Variants in AHCYL1 observed in about 807,000 individuals in gnomAD.
The protein encoded by AHCYL1 is S-adenosylhomocysteine hydrolase-like protein 1.
Under a neutral mutation model 79.3 loss-of-function variants are expected in AHCYL1, and 20 were observed. The observed-to-expected ratio is 0.25, with a 90% CI of 0.18 to 0.37. AHCYL1 has a LOEUF of 0.37. Ranked by LOEUF, AHCYL1 falls within the 10% of genes least tolerant of loss-of-function variation. The pLI, the probability that AHCYL1 is intolerant of heterozygous loss-of-function variation, is 1.00. For missense variants in AHCYL1, 330 were observed against 673.6 expected, an observed-to-expected ratio of 0.49 and a Z score of 5.65; for synonymous variants, 223 against 242.2, an observed-to-expected ratio of 0.92 and a Z score of 0.74.
intron 11 of AHCYL1, among the ~76,000 whole-genome samples, 178 bp from the exon 12 acceptor site, chr1:110,018,195 T>C (rs1651544153): frequency 6.6e-6 from 1 of 152,180 alleles, no homozygotes; most frequent in Non-Finnish European, 1.5e-5. Context: ...GGTGACTTTT[T>C]ATACTGCTTG....
chr1:110,000,111 A>G (rs1650229058), intron 1 of AHCYL1, among the ~76,000 whole-genome samples: 1 of 152,234 alleles, frequency 6.6e-6, no homozygotes, highest in African/African-American at 2.4e-5. Flanking sequence ...GCACATTTAA[A>G]GTATATTCTC....
chr1:110,004,958 T>A (rs570215016), intron 1 of AHCYL1, among the ~76,000 whole-genome samples: 5 of 152,300 alleles, frequency 3.3e-5, no homozygotes, highest in African/African-American at 1.2e-4. Context: ...GTAATGATGA[T>A]CTTGTTAAAA....
At chr1:109,996,141 A>T (rs570310201) in intron 1 of AHCYL1, among the ~76,000 whole-genome samples, 1 of 152,204 alleles carries the variant, frequency 6.6e-6, no homozygotes, top group South Asian at 2.1e-4. Context: ...CATGGGGCGG[A>T]GCAGGTTGCA....
intron 1 of AHCYL1, among the ~76,000 whole-genome samples, chr1:110,008,644 A>G (rs1650821989): frequency 6.6e-6 from 1 of 152,158 alleles, no homozygotes; most frequent in Non-Finnish European, 1.5e-5. Context: ...AAACCAAAAA[A>G]CCCCAGTAGC....
chr1:110,007,323 G>A (rs1364206167), intron 1 of AHCYL1, among the ~76,000 whole-genome samples: 1 of 152,140 alleles, frequency 6.6e-6, no homozygotes, highest in Admixed American at 6.5e-5. Context: ...GGCTGCCTCT[G>A]GAGAGTGTTA....
intron 1 of AHCYL1, among the ~76,000 whole-genome samples, chr1:109,993,573 C>T (rs1649874056): frequency 6.6e-6 from 1 of 152,140 alleles, no homozygotes; most frequent in African/African-American, 2.4e-5. Context: ...AACTTAGAGC[C>T]CTCTCACATA....
chr1:110,017,256 C>T (rs1477794122), intron 9 of AHCYL1, among the ~76,000 whole-genome samples: 1 of 152,162 alleles, frequency 6.6e-6, no homozygotes, highest in Non-Finnish European at 1.5e-5. Context: ...CTGATGAAAA[C>T]TGCTATGCAA....
rs1191867242 is a variant in AHCYL1 at position 110,009,019 on chromosome 1, C to T, written c.121-15C>T. ...TCCTTATAAGTTTTCAACTTTTTGT[C>T]TTCCTTTTGTATAGCAAATCCAGTT... On this transcript the variant is annotated splice_polypyrimidine_tract_variant and intron_variant, in intron 1 of 16. Transcript: ENST00000369799. 6.3e-7 allele frequency: 1 copy of T among 1,588,684 alleles called. No homozygotes were observed. Among genetic ancestry groups the T allele is most frequent in the South Asian group, 1.1e-5 (1 of 87,154 alleles).
chr1:110,019,540 C>A lies in AHCYL1; in HGVS notation c.1387-8C>A. The A allele has an allele frequency of 6.3e-7, 1 of 1,591,518 alleles. No individual in the cohort carries two copies. ...TTTGTGCTTTCTGGCCTTCTTTTCC[C>A]ACCTTAGGCTTTGGCACTGATAGAA... is the stretch of plus-strand genomic sequence containing the variant. On this transcript the variant is annotated splice_region_variant and splice_polypyrimidine_tract_variant and intron_variant, in intron 14 of 16. Transcript: ENST00000369799.
rs1649396985 is a variant in AHCYL1, at chr1:109,985,139, C to T, written c.87C>T (p.Ser29=). The change falls in exon 1 of 17, where the codon TCC becomes TCT. Residue 29 remains serine, a synonymous_variant. Coordinates refer to ENST00000369799, the MANE Select transcript of AHCYL1 (RefSeq NM_006621.7). ...AGATCGAGGACGCCGAGAAGTACTC[C>T]TTCATGGCCACCGTCACCAAGGCGC... is the stretch of plus-strand genomic sequence containing the variant. ...AKEIEDAEKY[S]FMATVTKAPK... is the part of the protein sequence containing the mutation. The T allele has an allele frequency of 6.2e-7, 1 of 1,611,040 alleles. No individual in the cohort carries two copies. Among genetic ancestry groups the T allele is most frequent in the Non-Finnish European group, 8.5e-7 (1 of 1,179,002 alleles).
At chr1:110,015,297 C>G (rs1436200639) in intron 6 of AHCYL1, 128 bp from the exon 7 acceptor site, 3 of 748,416 alleles carry the variant, frequency 4.0e-6, no homozygotes, top group Admixed American at 2.2e-5. Flanking sequence ...TAAGCCTGCT[C>G]TAGGGAGCTC....
intron 13 of AHCYL1, 71 bp downstream of exon 13, chr1:110,018,721 G>C: frequency 3.9e-6 from 5 of 1,296,544 alleles, no homozygotes; most frequent in African/African-American, 1.5e-5. Context: ...GGGAGGGGAG[G>C]GAAACAAATA....
At chr1:110,021,381 C>A (rs893485224) in intron 16 of AHCYL1, among the ~76,000 whole-genome samples, 1 of 152,084 alleles carries the variant, frequency 6.6e-6, no homozygotes, top group African/African-American at 2.4e-5. Flanking sequence ...ATTTGGTCTG[C>A]GATGGGACCA....
Position 110,021,709 on chromosome 1 carries a change from C to T in AHCYL1, c.*29C>T. ...ACCATACTACCAAGGACCAGTCCAC[C>T]TGAACCACACACTCTAAAGAAATAT... On this transcript the variant is annotated 3_prime_UTR_variant, in exon 17 of 17. Transcript: ENST00000369799. 6.2e-7 allele frequency: 1 copy of T among 1,602,912 alleles called. No individual in the cohort carries two copies.
rs2101741401 is a variant in AHCYL1, at chr1:110,017,926, G to A, written c.1053-20G>A. 1 of 1,613,450 alleles carries A rather than the reference G, an allele frequency of 6.2e-7. No homozygotes were observed. Among genetic ancestry groups the A allele is most frequent in the East Asian group, 2.2e-5 (1 of 44,878 alleles). On this transcript the variant is annotated intron_variant, in intron 10 of 16. Transcript: ENST00000369799. ...ACTGCCTTCTTGCTTTACTCATAGT[G>A]TTCCTTTCTTTTCTTCCAGCATGGA...
chr1:109,984,960 G>C lies in AHCYL1; in HGVS notation c.-93G>C. ...GGCCGGCAGGAGGGTGGGCGATCGC[G>C]TGTCGGAGGGCGCCGCGCGGGCAGG... On this transcript the variant is annotated 5_prime_UTR_variant, in exon 1 of 17. Coordinates refer to ENST00000369799, the MANE Select transcript of AHCYL1 (RefSeq NM_006621.7). 1.5e-6 allele frequency: 2 copies of C among 1,356,386 alleles called. No individual in the cohort carries two copies. Among genetic ancestry groups the C allele is most frequent in the Non-Finnish European group, 1.9e-6 (2 of 1,056,784 alleles). The allele number at this position is 1,356,386 out of a possible 1,614,324, so 84.0% of individuals were successfully genotyped here.
chr1:110,022,280 T>C lies in AHCYL1; in HGVS notation c.*600T>C, dbSNP rs951969337. On this transcript the variant is annotated 3_prime_UTR_variant, in exon 17 of 17. Transcript: ENST00000369799. ...CTTGGATTTATAGTATAGCCCTTCC[T>C]CCACTCCCACCAGACTTGCTCATTT... The C allele has an allele frequency of 1.3e-5, 2 of 151,634 alleles. No homozygotes were observed. The highest frequency in any genetic ancestry group is 4.9e-5 in the African/African-American group (2 of 41,178). The allele number at this position is 151,634 out of a possible 1,614,324, so 9.4% of individuals were successfully genotyped here. A position where few individuals can be genotyped will look rare whatever the true frequency, so the allele number is the denominator to read the frequency against.
intron 5 of AHCYL1, 54 bp downstream of exon 5, chr1:110,013,053 T>C (rs898726205): frequency 1.4e-6 from 2 of 1,408,784 alleles, no homozygotes; most frequent in Non-Finnish European, 9.8e-7. Context: ...TCCAAACATA[T>C]AACTTTTTTG....
At chr1:110,004,744 T>C (rs1371705816) in intron 1 of AHCYL1, among the ~76,000 whole-genome samples, 1 of 151,554 alleles carries the variant, frequency 6.6e-6, no homozygotes. Context: ...AGACCCTGTC[T>C]CTTTAAAAAG....
Sources: gnomAD v4.1 joint callset for allele counts (sites outside exome capture counted in the v4.1 genomes callset) on GRCh38, gnomAD v4.1.1 for gene constraint, MANE v1.5 for transcripts, NCBI Gene and HGNC (gene_info 2026-07-23, HGNC 2026-07-21) for gene names.